UPF3A: variants seen among roughly 807,000 people sequenced by gnomAD.
UPF3A encodes regulator of nonsense transcripts 3A.
A neutral mutation model predicts 53.5 loss-of-function variants in UPF3A; 42 were observed. That is an observed-to-expected ratio of 0.78 (90% CI 0.61 to 1.01). The LOEUF is 1.01. Among genes scored for constraint, UPF3A ranks in the 50% least tolerant of loss-of-function variants. The pLI is 0.00. For missense variants in UPF3A, 575 were observed against 598.0 expected, an observed-to-expected ratio of 0.96 and a Z score of 0.40; for synonymous variants, 237 against 225.3, an observed-to-expected ratio of 1.05 and a Z score of -0.47.
chr13:114,282,569 G>A, intron 2 of UPF3A: 4 of 985,486 alleles, frequency 4.1e-6, no homozygotes, highest in Non-Finnish European at 4.8e-6. Flanking sequence ...GGGTTCCTCT[G>A]GGAGTGCGCC....
chr13:114,305,723 C>A lies in UPF3A; in HGVS notation c.*806C>A, dbSNP rs1283016039. On this transcript the variant is annotated 3_prime_UTR_variant, in exon 10 of 10. Transcript: ENST00000375299. ...TCTGAAACCGTGCATTCTGTAGTTT[C>A]TTCCTTTCAGTGAAATTGCTAAATG... 5 of 152,166 alleles carry A rather than the reference C, an allele frequency of 3.3e-5. No homozygotes were observed. The highest frequency in any genetic ancestry group is 5.9e-5 in the Non-Finnish European group (4 of 68,032). The allele number at this position is 152,166 out of a possible 1,614,324, so 9.4% of individuals were successfully genotyped here. A position where few individuals can be genotyped will look rare whatever the true frequency, so the allele number is the denominator to read the frequency against.
chr13:114,284,494 C>T lies in UPF3A; in HGVS notation c.421+1551C>T, dbSNP rs575194363. 2.8e-3 allele frequency among the ~76,000 whole-genome samples: 414 copies of T among 149,242 alleles called. 3 individuals carry two copies. The highest frequency in any genetic ancestry group is 3.5e-3 in the Middle Eastern group (1 of 288). Reference sequence around the variant, plus strand: ...TGTAGATCAGTTGAGGTCAGGGGTTCGAGACCAGCCTGGCCAAGATGGTGA... The same window carrying T: ...TGTAGATCAGTTGAGGTCAGGGGTTTGAGACCAGCCTGGCCAAGATGGTGA... On this transcript the variant is annotated intron_variant, in intron 3 of 9. Transcript: ENST00000375299.
intron 9 of UPF3A, among the ~76,000 whole-genome samples, chr13:114,303,335 G>A (rs147914714): frequency 6.6e-6 from 1 of 152,112 alleles, no homozygotes; most frequent in Non-Finnish European, 1.5e-5. Flanking sequence ...GACCTGAGGT[G>A]GGGGAGCATT....
chr13:114,282,116 C>T lies in UPF3A; in HGVS notation c.303C>T (p.Ala101=), dbSNP rs1263711624. 1.9e-6 allele frequency: 3 copies of T among 1,564,804 alleles called. No homozygotes were observed. Among genetic ancestry groups the T allele is most frequent in the East Asian group, 2.4e-5 (1 of 42,138 alleles). The part of the protein sequence containing the change: ...LPAHDYFEFF[A]ADLSLYPHLY... Reference sequence around the variant, plus strand: ...CACACGACTACTTCGAGTTCTTCGCCGCCGACCTGAGGTGAGGCCCGCCCC... The same window carrying T: ...CACACGACTACTTCGAGTTCTTCGCTGCCGACCTGAGGTGAGGCCCGCCCC... The change falls in exon 2 of 10, where the codon GCC becomes GCT. Residue 101 remains alanine (A), a synonymous_variant. Coordinates refer to ENST00000375299, the MANE Select transcript of UPF3A (RefSeq NM_023011.4).
intron 5 of UPF3A, among the ~76,000 whole-genome samples, chr13:114,287,954 C>T (rs7317437): frequency 0.068 from 10,349 of 152,088 alleles, 349 homozygotes; most frequent in Middle Eastern, 0.15. Flanking sequence ...TTACAGGCAC[C>T]CGCCATCATG....
rs1465467103 is a variant in UPF3A, at chr13:114,305,101, G to C, written c.*184G>C. ...GAAAGTAGTGATCTTGTATTAAATT[G>C]AGCAGAATTCTCACAGATTTTACCA... On this transcript the variant is annotated 3_prime_UTR_variant, in exon 10 of 10. Transcript: ENST00000375299. 8 of 653,986 alleles carry C rather than the reference G, an allele frequency of 1.2e-5. No homozygotes were observed. The Admixed American group carries it at 2.1e-4, about 17-fold the overall frequency. 40.5% of individuals were successfully genotyped at this position (653,986 alleles called of 1,614,324 possible).
chr13:114,282,872 A>AT lies in UPF3A; in HGVS notation c.354dup (p.Arg119Ter). ...CATCTCTACTCAAGAGCATACATTA[A>AT]TTTTAGGAATCCTGATGACATCCTT... is the stretch of plus-strand genomic sequence containing the variant. On this transcript the variant is annotated frameshift_variant, in exon 3 of 10. Coordinates refer to ENST00000375299, the MANE Select transcript of UPF3A (RefSeq NM_023011.4). LOFTEE classifies it high-confidence loss of function. 3.7e-6 allele frequency: 6 copies of AT among 1,611,596 alleles called. No homozygotes were observed. Among genetic ancestry groups the AT allele is most frequent in the Non-Finnish European group, 5.1e-6 (6 of 1,178,482 alleles).
At chr13:114,283,974 GT>G (rs2084393042) in intron 3 of UPF3A, 1 of 985,312 alleles carries the variant, frequency 1.0e-6, no homozygotes, top group South Asian at 4.7e-5. Flanking sequence ...AGCCAAGCTA[GT>G]TCCTGTGACT....
intron 7 of UPF3A, among the ~76,000 whole-genome samples, chr13:114,295,463 G>A (rs995124403): frequency 1.7e-4 from 23 of 138,372 alleles, no homozygotes; most frequent in African/African-American, 6.2e-4. Flanking sequence ...ATGCACCAGC[G>A]GATTCCACCT....
In UPF3A at chr13:114,305,204, A is replaced by C. The variant is rs1341241039; in HGVS notation, c.*287A>C. 1 of 371,972 alleles carries C rather than the reference A, an allele frequency of 2.7e-6. No individual in the cohort carries two copies. Among genetic ancestry groups the C allele is most frequent in the African/African-American group, 2.1e-5 (1 of 47,264 alleles). The allele number at this position is 371,972 out of a possible 1,614,324, so 23.0% of individuals were successfully genotyped here. A position where few individuals can be genotyped will look rare whatever the true frequency, so the allele number is the denominator to read the frequency against. The stretch of plus-strand genomic sequence containing the variant: ...ACTGGACAGTAGAAAAATATGTGTA[A>C]AATAGGGAAGAAAGTTAGTATTGGA... On this transcript the variant is annotated 3_prime_UTR_variant, in exon 10 of 10. Coordinates refer to ENST00000375299, the MANE Select transcript of UPF3A (RefSeq NM_023011.4).
At chr13:114,302,160 C>G in intron 9 of UPF3A, 135 bp downstream of exon 9, 1 of 810,786 alleles carries the variant, frequency 1.2e-6, no homozygotes, top group Non-Finnish European at 1.7e-6. Context: ...GCAGTTTTTC[C>G]TGAAAGTCAG....
At chr13:114,298,063 G>A (rs534250641) in intron 7 of UPF3A, among the ~76,000 whole-genome samples, 1 of 151,820 alleles carries the variant, frequency 6.6e-6, no homozygotes, top group South Asian at 2.1e-4. Flanking sequence ...AGGTGGTGGT[G>A]TGTGTGTGAA....
At chr13:114,296,812 A>G (rs1389827906) in intron 7 of UPF3A, among the ~76,000 whole-genome samples, 1 of 152,182 alleles carries the variant, frequency 6.6e-6, no homozygotes, top group East Asian at 1.9e-4. Context: ...GAGGGGTGGT[A>G]TTGAAAAAGA....
Position 114,304,943 on chromosome 13 carries a change from G to T in UPF3A, c.*26G>T, listed in dbSNP as rs114499869. On this transcript the variant is annotated 3_prime_UTR_variant, in exon 10 of 10. Coordinates refer to ENST00000375299, the MANE Select transcript of UPF3A (RefSeq NM_023011.4). ...GTCACTGCACGCACCTGGCCTCCAT[G>T]GACGAGCAAGGGCATCCCAGAAACG... 4.7e-3 allele frequency: 7,615 copies of T among 1,603,840 alleles called. 293 individuals are homozygous for T. In the African/African-American group the frequency reaches 0.088, roughly 18 times the overall value.
At chr13:114,288,686 G>C (rs1443472529) in intron 5 of UPF3A, among the ~76,000 whole-genome samples, 1 of 152,222 alleles carries the variant, frequency 6.6e-6, no homozygotes, top group Non-Finnish European at 1.5e-5. Flanking sequence ...ATGAGCGTGT[G>C]TTTTGGAGGT....
chr13:114,294,472 C>T (rs1023146124), intron 7 of UPF3A, among the ~76,000 whole-genome samples: 1 of 152,086 alleles, frequency 6.6e-6, no homozygotes, highest in Non-Finnish European at 1.5e-5. Context: ...CTATGTTGTC[C>T]AGGCTGGTCT....
At position 114,298,997 on chromosome 13, in the gene UPF3A, A is replaced by G; in HGVS notation, c.1004A>G (p.Glu335Gly). The G allele has an allele frequency of 6.3e-7, 1 of 1,596,054 alleles. No individual in the cohort carries two copies. The highest frequency in any genetic ancestry group is 8.5e-7 in the Non-Finnish European group (1 of 1,174,310). Residue 335 changes from glutamate (E) to glycine (G), a missense_variant, in exon 8 of 10, where the codon GAG becomes GGG. Physicochemically the swap from Glu to Gly is moderately conservative, Grantham distance 98. Coordinates refer to ENST00000375299, the MANE Select transcript of UPF3A (RefSeq NM_023011.4). ...GAAGGCTCGCTGGAGGAGCCCCAGG[A>G]GACGTGAGCGTGCTTTCATTGTTAT... ...PMEGSLEEPQ[E>G]TSHSGSDKEH...
chr13:114,297,012 A>T (rs1474263620), intron 7 of UPF3A, among the ~76,000 whole-genome samples: 1 of 152,210 alleles, frequency 6.6e-6, no homozygotes, highest in Non-Finnish European at 1.5e-5. Flanking sequence ...GCAGAATAAG[A>T]GGATGTTCAC....
At position 114,288,129 on chromosome 13, in the gene UPF3A, G is replaced by A. The variant is rs1284720987; in HGVS notation, c.631+1500G>A. ...CGTAATAAGGCTTTTGATCACTAAA[G>A]TAAACAAAATATGCTGAGGCTGCAT... On this transcript the variant is annotated intron_variant, in intron 5 of 9. Transcript: ENST00000375299. Among the ~76,000 whole-genome samples the A allele has an allele frequency of 4.6e-5, 7 of 152,240 alleles. No individual in the cohort carries two copies. The South Asian group carries it at 6.2e-4, about 13-fold the overall frequency.
Sources: gnomAD v4.1 joint callset for allele counts (sites outside exome capture counted in the v4.1 genomes callset) on GRCh38, gnomAD v4.1.1 for gene constraint, MANE v1.5 for transcripts, NCBI Gene and HGNC (gene_info 2026-07-23, HGNC 2026-07-21) for gene names.